The following PRKCE variants were observed in gnomAD, a reference collection of about 807,000 sequenced individuals.
PRKCE encodes protein kinase C epsilon, also known as protein kinase C epsilon type.
Under a neutral mutation model 85.4 loss-of-function variants are expected in PRKCE, and 16 were observed. The ratio of observed to expected loss-of-function variants is 0.19; its 90% CI spans 0.13 to 0.28. The LOEUF (loss-of-function observed/expected upper bound fraction) is 0.28. PRKCE is among the 10% of genes least tolerant of loss of function. PRKCE has a pLI of 1.00. For synonymous variants in PRKCE, 388 were observed against 371.5 expected (o/e 1.04, Z -0.51); for missense variants, 573 against 975.2 (o/e 0.59, Z 5.49).
At chr2:45,812,137 A>G (rs764848838) in intron 1 of PRKCE, among the ~76,000 whole-genome samples, 7 of 152,250 alleles carry the variant, frequency 4.6e-5, no homozygotes, top group Non-Finnish European at 8.8e-5. Flanking sequence ...CTCTGAGTAA[A>G]GATCTGCATC....
chr2:46,087,204 C>T (rs959607454), intron 11 of PRKCE, among the ~76,000 whole-genome samples: 1 of 150,444 alleles, frequency 6.6e-6, no homozygotes, highest in Non-Finnish European at 1.5e-5. Flanking sequence ...CTTCGTTTCA[C>T]CTAGAACTTG....
chr2:46,067,989 A>G (rs940291001), intron 10 of PRKCE, among the ~76,000 whole-genome samples: 1 of 152,190 alleles, frequency 6.6e-6, no homozygotes, highest in Non-Finnish European at 1.5e-5. Context: ...CGTTGAAGGC[A>G]GGGTTTCCTT....
chr2:45,931,618 T>C (rs1390385885), intron 2 of PRKCE, among the ~76,000 whole-genome samples: 1 of 152,252 alleles, frequency 6.6e-6, no homozygotes, highest in Non-Finnish European at 1.5e-5. Flanking sequence ...ATACTTTGTA[T>C]GCAATGCTGC....
intron 2 of PRKCE, among the ~76,000 whole-genome samples, chr2:45,975,837 C>A (rs570100657): frequency 6.6e-6 from 1 of 152,142 alleles, no homozygotes; most frequent in Non-Finnish European, 1.5e-5. Context: ...TTTCCCTCTC[C>A]TTTTGACCTC....
intron 11 of PRKCE, among the ~76,000 whole-genome samples, chr2:46,132,251 C>T (rs138818992): frequency 6.6e-6 from 1 of 152,256 alleles, no homozygotes; most frequent in African/African-American, 2.4e-5. Context: ...CATTTCCAGC[C>T]TTCTTCTCTT....
intron 11 of PRKCE, among the ~76,000 whole-genome samples, chr2:46,099,445 C>A (rs185070000): frequency 6.6e-6 from 1 of 152,112 alleles, no homozygotes; most frequent in East Asian, 1.9e-4. Flanking sequence ...CATGTTTCCA[C>A]CACCCTGTAC....
chr2:46,185,061 AC>A lies in PRKCE; in HGVS notation c.*182del. ...CACCTCCTCCCCCTCCCACCTGGTG[AC>A]CAGAAGGCGCTCTCGGTTCTTGTCT... On this transcript the variant is annotated 3_prime_UTR_variant, in exon 15 of 15. Transcript: ENST00000306156. The surrounding 1 kb of genome is among the most constrained non-coding windows in gnomAD (Gnocchi z 4.7). 3 of 773,934 alleles carry A rather than the reference AC, an allele frequency of 3.9e-6. No individual in the cohort carries two copies. Among genetic ancestry groups the A allele is most frequent in the Non-Finnish European group, 6.1e-6 (3 of 495,444 alleles). The allele number at this position is 773,934 out of a possible 1,614,324, so 47.9% of individuals were successfully genotyped here.
At chr2:45,865,090 G>A (rs1462896854) in intron 2 of PRKCE, among the ~76,000 whole-genome samples, 1 of 152,198 alleles carries the variant, frequency 6.6e-6, no homozygotes, top group Non-Finnish European at 1.5e-5. Flanking sequence ...GTTACCTGGG[G>A]AACTTGTTAA....
intron 1 of PRKCE, among the ~76,000 whole-genome samples, chr2:45,817,130 CA>C (rs1177557297): frequency 6.9e-6 from 1 of 145,810 alleles, no homozygotes; most frequent in Non-Finnish European, 1.5e-5. Context: ...GGACATGCCC[CA>C]GGGGGAGCGA....
At chr2:45,995,284 G>C (rs1489863884) in intron 6 of PRKCE, among the ~76,000 whole-genome samples, 1 of 151,238 alleles carries the variant, frequency 6.6e-6, no homozygotes, top group Non-Finnish European at 1.5e-5. Flanking sequence ...TTTGTTTTTT[G>C]TTTGTTTGTT....
At chr2:45,868,033 C>A (rs11889501) in intron 2 of PRKCE, among the ~76,000 whole-genome samples, 1 of 151,996 alleles carries the variant, frequency 6.6e-6, no homozygotes, top group Non-Finnish European at 1.5e-5. Flanking sequence ...TTTTCTATGG[C>A]CCCACATGGT....
intron 1 of PRKCE, among the ~76,000 whole-genome samples, chr2:45,815,188 C>T (rs1558703224): frequency 6.6e-6 from 1 of 152,228 alleles, no homozygotes; most frequent in Non-Finnish European, 1.5e-5. Context: ...AAATTTGATA[C>T]ACCAGTTACC....
At chr2:45,903,187 T>A (rs1696699393) in intron 2 of PRKCE, among the ~76,000 whole-genome samples, 1 of 152,200 alleles carries the variant, frequency 6.6e-6, no homozygotes, top group Non-Finnish European at 1.5e-5. Flanking sequence ...CAGAGGGACT[T>A]CATTAAATAA....
At chr2:45,969,464 G>A (rs1701962163) in intron 2 of PRKCE, among the ~76,000 whole-genome samples, 2 of 152,164 alleles carry the variant, frequency 1.3e-5, no homozygotes, top group African/African-American at 4.8e-5. Flanking sequence ...TGCCAGCAGC[G>A]AGCATCTTTT....
At chr2:45,710,254 C>A (rs1247875795) in intron 1 of PRKCE, among the ~76,000 whole-genome samples, 1 of 152,172 alleles carries the variant, frequency 6.6e-6, no homozygotes, top group Non-Finnish European at 1.5e-5. Context: ...TGAGGCCCAG[C>A]CTGAGAGATT....
At chr2:46,103,303 A>G (rs544233602) in intron 11 of PRKCE, among the ~76,000 whole-genome samples, 21 of 152,316 alleles carry the variant, frequency 1.4e-4, no homozygotes, top group Admixed American at 3.3e-4. Context: ...TACAAAATGT[A>G]TATTTCTTGC....
At chr2:46,016,593 G>C (rs1368417665) in intron 10 of PRKCE, among the ~76,000 whole-genome samples, 4 of 152,110 alleles carry the variant, frequency 2.6e-5, no homozygotes, top group Admixed American at 6.5e-5. Flanking sequence ...CCTTACATTT[G>C]AATAGGACCT....
At chr2:46,128,415 C>T (rs1674084757) in intron 11 of PRKCE, among the ~76,000 whole-genome samples, 1 of 152,190 alleles carries the variant, frequency 6.6e-6, no homozygotes, top group African/African-American at 2.4e-5. Flanking sequence ...TCCATATTAC[C>T]TCATTTAGGC....
intron 2 of PRKCE, among the ~76,000 whole-genome samples, chr2:45,916,042 A>G (rs908165042): frequency 6.6e-6 from 1 of 152,148 alleles, no homozygotes; most frequent in Non-Finnish European, 1.5e-5. Context: ...AGAGTTTAGG[A>G]TGGCTCTAGG....
Sources: allele counts gnomAD v4.1 joint callset (sites outside exome capture counted in the v4.1 genomes callset), GRCh38; gene constraint gnomAD v4.1.1; non-coding constraint Gnocchi (gnomAD v3.1); transcripts MANE v1.5; gene names NCBI Gene and HGNC (gene_info 2026-07-23, HGNC 2026-07-21).